Variants in HMBOX1 observed in about 807,000 individuals in gnomAD.
HMBOX1 encodes homeobox containing 1, also known as homeobox-containing protein 1.
Under a neutral mutation model 54.5 loss-of-function variants are expected in HMBOX1, and 14 were observed. The observed-to-expected ratio is 0.26, with a 90% CI of 0.17 to 0.40. The LOEUF (loss-of-function observed/expected upper bound fraction) is 0.40. Ranked by LOEUF, HMBOX1 falls within the 10% of genes least tolerant of loss-of-function variation. The probability of loss-of-function intolerance (pLI) is 1.00; values close to 1 mark genes in which losing one functional copy is unlikely to be tolerated. For missense variants in HMBOX1, 332 were observed against 514.4 expected (o/e 0.65, Z 3.43); for synonymous variants, 160 against 181.0 (o/e 0.88, Z 0.93).
chr8:28,931,650 T>C (rs967706843), intron 1 of HMBOX1, among the ~76,000 whole-genome samples: 2 of 152,070 alleles, frequency 1.3e-5, no homozygotes, highest in Non-Finnish European at 2.9e-5. Context: ...CAAGTGATCC[T>C]CCCACCTCAG....
At chr8:29,049,191 A>T (rs936356624) in intron 9 of HMBOX1, 143 bp downstream of exon 9, 4 of 1,492,918 alleles carry the variant, frequency 2.7e-6, no homozygotes, top group Non-Finnish European at 2.7e-6. Flanking sequence ...GTCTAGTTAG[A>T]TTTCATGTAA....
intron 1 of HMBOX1, among the ~76,000 whole-genome samples, chr8:28,948,269 T>C (rs1822837292): frequency 6.6e-6 from 1 of 152,172 alleles, no homozygotes; most frequent in Non-Finnish European, 1.5e-5. Flanking sequence ...GAATGTAACC[T>C]CCATGTGAGC....
At chr8:28,949,241 T>G (rs1489050943) in intron 1 of HMBOX1, among the ~76,000 whole-genome samples, 1 of 152,186 alleles carries the variant, frequency 6.6e-6, no homozygotes, top group Non-Finnish European at 1.5e-5. Context: ...AGAGCTGTCA[T>G]GGGCTAAGCA....
chr8:28,894,478 AT>A (rs1811679256), intron 1 of HMBOX1, among the ~76,000 whole-genome samples: 1 of 152,078 alleles, frequency 6.6e-6, no homozygotes, highest in Admixed American at 6.5e-5. Context: ...CCAAACCATT[AT>A]TTTCACAGAT....
intron 5 of HMBOX1, among the ~76,000 whole-genome samples, chr8:29,017,046 A>G (rs960338349): frequency 5.3e-5 from 8 of 152,194 alleles, no homozygotes; most frequent in Non-Finnish European, 1.0e-4. Flanking sequence ...GTTTCTGTCT[A>G]TCACCTGGTT....
chr8:28,965,842 G>C (rs1826340664), intron 2 of HMBOX1, among the ~76,000 whole-genome samples: 1 of 152,124 alleles, frequency 6.6e-6, no homozygotes, highest in Non-Finnish European at 1.5e-5. Flanking sequence ...TATGCAGTTT[G>C]ACATGAGGTG....
chr8:28,926,791 C>G (rs144137628), intron 1 of HMBOX1, among the ~76,000 whole-genome samples: 63 of 152,256 alleles, frequency 4.1e-4, no homozygotes, highest in Admixed American at 7.2e-4. Context: ...TGGATTCTCC[C>G]ACCTTGGCCT....
chr8:29,013,367 C>T (rs971648298), intron 5 of HMBOX1, among the ~76,000 whole-genome samples: 4 of 152,198 alleles, frequency 2.6e-5, no homozygotes, highest in Non-Finnish European at 4.4e-5. Flanking sequence ...AACTCCTGAC[C>T]TCGTGATCCA....
At chr8:28,973,227 C>A (rs1311578982) in intron 3 of HMBOX1, among the ~76,000 whole-genome samples, 2 of 152,142 alleles carry the variant, frequency 1.3e-5, no homozygotes, top group African/African-American at 4.8e-5. Context: ...TGAGGTTGAT[C>A]AGAGAAACTG....
chr8:28,993,520 AT>A (rs769183159), intron 4 of HMBOX1, among the ~76,000 whole-genome samples: 7 of 152,192 alleles, frequency 4.6e-5, no homozygotes, highest in Non-Finnish European at 7.3e-5. Context: ...ATGGAGTACT[AT>A]TTGTCCATTA....
chr8:28,968,708 ATGTT>A (rs1478352683), intron 2 of HMBOX1, among the ~76,000 whole-genome samples: 3 of 152,234 alleles, frequency 2.0e-5, no homozygotes, highest in Non-Finnish European at 4.4e-5. Flanking sequence ...CCCAGAGCAG[ATGTT>A]TGTTTGAGAA....
chr8:28,953,671 A>G (rs1823912320), intron 1 of HMBOX1, among the ~76,000 whole-genome samples: 1 of 152,074 alleles, frequency 6.6e-6, no homozygotes, highest in African/African-American at 2.4e-5. Context: ...TTTGCTAAGA[A>G]TTTTATGTAT....
Position 28,926,219 on chromosome 8 carries a change from C to T in HMBOX1, c.-58+35541C>T, listed in dbSNP as rs76934191. ...CAGGAGACTGAGGCTTACCTGAGCC[C>T]GGGAGTTTGAGGCTGCAGTGTGACT... On this transcript the variant is annotated intron_variant, in intron 1 of 9. Transcript: ENST00000287701. Among the ~76,000 whole-genome samples, 153 of 151,488 alleles carry T rather than the reference C, an allele frequency of 1.0e-3. No individual in the cohort carries two copies. In the East Asian group the frequency reaches 0.023, roughly 23 times the overall value.
intron 1 of HMBOX1, among the ~76,000 whole-genome samples, chr8:28,896,609 A>G (rs563263143): frequency 2.0e-5 from 3 of 148,296 alleles, no homozygotes; most frequent in South Asian, 2.1e-4. Context: ...CAGTGGTCCC[A>G]TAAGATTATA....
At chr8:28,923,528 T>C (rs1465650941) in intron 1 of HMBOX1, among the ~76,000 whole-genome samples, 1 of 152,236 alleles carries the variant, frequency 6.6e-6, no homozygotes, top group Non-Finnish European at 1.5e-5. Flanking sequence ...TTTTTTCTTG[T>C]CATTTGTCCC....
At chr8:28,975,850 A>G (rs1828268971) in intron 3 of HMBOX1, among the ~76,000 whole-genome samples, 1 of 152,040 alleles carries the variant, frequency 6.6e-6, no homozygotes, top group Non-Finnish European at 1.5e-5. Flanking sequence ...AAGATGAGAG[A>G]ATTAGATTTA....
At chr8:28,984,002 T>G (rs1472251876) in intron 4 of HMBOX1, among the ~76,000 whole-genome samples, 1 of 152,200 alleles carries the variant, frequency 6.6e-6, no homozygotes, top group Non-Finnish European at 1.5e-5. Flanking sequence ...AAGGCTTCTC[T>G]TTGCAGAGAA....
chr8:28,968,593 T>TA (rs1467166234), intron 2 of HMBOX1, among the ~76,000 whole-genome samples: 2 of 152,182 alleles, frequency 1.3e-5, no homozygotes, highest in Non-Finnish European at 1.5e-5. Context: ...GAGATTATGT[T>TA]ATGTGAAATT....
intron 4 of HMBOX1, among the ~76,000 whole-genome samples, chr8:28,999,443 A>G (rs2132699600): frequency 6.6e-6 from 1 of 152,146 alleles, no homozygotes; most frequent in African/African-American, 2.4e-5. Context: ...CAAATTTGGG[A>G]AGTTTTGGTC....
Sources: allele counts gnomAD v4.1 joint callset (sites outside exome capture counted in the v4.1 genomes callset), GRCh38; gene constraint gnomAD v4.1.1; transcripts MANE v1.5; gene names NCBI Gene and HGNC (gene_info 2026-07-23, HGNC 2026-07-21).